Variants in AGMO observed in about 807,000 individuals in gnomAD.
The protein encoded by AGMO is alkylglycerol monooxygenase.
In AGMO, 75 loss-of-function variants were observed where a neutral mutation model predicts 60.2. That is an observed-to-expected ratio of 1.25 (90% CI 1.03 to 1.51). The LOEUF (loss-of-function observed/expected upper bound fraction) is 1.51. Ranked by LOEUF, AGMO falls within the 40% of genes most tolerant of loss-of-function variation. AGMO has a pLI of 0.00. For synonymous variants in AGMO, 261 were observed against 177.1 expected (o/e 1.47, Z -3.76); for missense variants, 763 against 525.5 (o/e 1.45, Z -4.42).
chr7:15,212,786 G>A (rs1467211693), intron 12 of AGMO, among the ~76,000 whole-genome samples: 1 of 151,874 alleles, frequency 6.6e-6, no homozygotes, highest in African/African-American at 2.4e-5. Context: ...CCTTAGGCAA[G>A]TTATTTAATC....
intron 10 of AGMO, among the ~76,000 whole-genome samples, chr7:15,382,433 C>T (rs1055645059): frequency 6.6e-6 from 1 of 152,056 alleles, no homozygotes; most frequent in African/African-American, 2.4e-5. Flanking sequence ...AATTCATGAC[C>T]TGATGTTAGT....
chr7:15,232,823 AC>A (rs1489553684), intron 12 of AGMO, among the ~76,000 whole-genome samples: 2 of 151,760 alleles, frequency 1.3e-5, no homozygotes, highest in African/African-American at 2.4e-5. Flanking sequence ...ACACACACAC[AC>A]ACAAAAACTA....
At chr7:15,535,360 A>G (rs886414148) in intron 3 of AGMO, among the ~76,000 whole-genome samples, 4 of 151,986 alleles carry the variant, frequency 2.6e-5, no homozygotes, top group African/African-American at 7.2e-5. Context: ...CCTTTGGAAT[A>G]AAAGAATCGG....
intron 5 of AGMO, among the ~76,000 whole-genome samples, chr7:15,399,177 C>G (rs182573285): frequency 6.6e-6 from 1 of 152,040 alleles, no homozygotes; most frequent in African/African-American, 2.4e-5. Flanking sequence ...CTCGGTCTTA[C>G]AACTTGAGAA....
intron 3 of AGMO, among the ~76,000 whole-genome samples, chr7:15,509,812 G>T (rs912203081): frequency 6.6e-6 from 1 of 152,036 alleles, no homozygotes; most frequent in African/African-American, 2.4e-5. Context: ...ATGTGACAAG[G>T]TGCTCAACAT....
At chr7:15,437,509 G>A (rs538695193) in intron 3 of AGMO, among the ~76,000 whole-genome samples, 1 of 150,362 alleles carries the variant, frequency 6.7e-6, no homozygotes, top group South Asian at 2.1e-4. Flanking sequence ...CCAGGCTTCT[G>A]AAGGAGCAAC....
chr7:15,529,678 CTATATATAGAA>C (rs1562555086), intron 3 of AGMO, among the ~76,000 whole-genome samples: 1 of 9,506 alleles, frequency 1.1e-4, no homozygotes, highest in Admixed American at 1.8e-3. Flanking sequence ...TATATATATT[CTATATATAGAA>C]TATATATTCC....
the AGMO span, among the ~76,000 whole-genome samples, chr7:15,139,403 T>A: frequency 6.6e-6 from 1 of 152,166 alleles, no homozygotes; most frequent in African/African-American, 2.4e-5. Context: ...ATGTGCAGGT[T>A]CGTTATACAG....
At chr7:15,403,166 C>T (rs1178535386) in intron 5 of AGMO, among the ~76,000 whole-genome samples, 1 of 151,894 alleles carries the variant, frequency 6.6e-6, no homozygotes, top group Admixed American at 6.6e-5. Context: ...ATAATTGGCA[C>T]AAGCATTGTC....
chr7:15,487,826 T>C (rs904001949), intron 3 of AGMO, among the ~76,000 whole-genome samples: 10 of 152,148 alleles, frequency 6.6e-5, no homozygotes, highest in Non-Finnish European at 1.2e-4. Flanking sequence ...TTGGAAACAT[T>C]TTATAAGTTT....
chr7:15,494,838 C>T (rs890666677), intron 3 of AGMO, among the ~76,000 whole-genome samples: 2 of 152,184 alleles, frequency 1.3e-5, no homozygotes, highest in Non-Finnish European at 2.9e-5. Flanking sequence ...CAGGCAAAGC[C>T]GCTTCTCTCT....
intron 3 of AGMO, among the ~76,000 whole-genome samples, chr7:15,466,059 A>G (rs1782276742): frequency 6.6e-6 from 1 of 152,100 alleles, no homozygotes; most frequent in Non-Finnish European, 1.5e-5. Context: ...AGGGACCAAA[A>G]TCTTGGTCCT....
intron 12 of AGMO, among the ~76,000 whole-genome samples, chr7:15,218,321 GTGTGTA>G (rs1362763269): frequency 3.5e-5 from 4 of 113,314 alleles, no homozygotes; most frequent in Non-Finnish European, 5.5e-5. Flanking sequence ...TGACTATGGT[GTGTGTA>G]TGTGTGTGTG....
chr7:15,354,345 C>CGTGTATATACACGCGTGTATATAGACGT (rs1563104903), intron 12 of AGMO, among the ~76,000 whole-genome samples: 1 of 44,254 alleles, frequency 2.3e-5, no homozygotes, highest in African/African-American at 1.0e-4. Context: ...TATATACACG[C>CGTGTATATACACGCGTGTATATAGACGT]GTGTATATAG....
intron 3 of AGMO, among the ~76,000 whole-genome samples, chr7:15,505,006 G>A (rs1783473508): frequency 1.3e-5 from 2 of 151,416 alleles, no homozygotes; most frequent in African/African-American, 2.4e-5. Context: ...TAGAATTCTT[G>A]TGTGCTCCAG....
chr7:15,316,803 A>C (rs1780940025), intron 12 of AGMO, among the ~76,000 whole-genome samples: 1 of 152,200 alleles, frequency 6.6e-6, no homozygotes, highest in Non-Finnish European at 1.5e-5. Context: ...TAAATAATCC[A>C]ACTTTATAGA....
At chr7:15,393,266 G>A (rs1207139288) in intron 6 of AGMO, among the ~76,000 whole-genome samples, 1 of 152,258 alleles carries the variant, frequency 6.6e-6, no homozygotes, top group East Asian at 1.9e-4. Context: ...GGAAAGGCAG[G>A]GCTTCAGGGA....
intron 3 of AGMO, among the ~76,000 whole-genome samples, chr7:15,441,131 A>C (rs542923478): frequency 2.0e-5 from 3 of 152,326 alleles, no homozygotes; most frequent in African/African-American, 7.2e-5. Context: ...AGTAGTATGA[A>C]TATTGGAATT....
In AGMO at chr7:15,271,266, T is replaced by C. The variant is rs527239887; in HGVS notation, c.1264-69907A>G. Among the ~76,000 whole-genome samples the C allele has an allele frequency of 3.3e-5, 5 of 152,284 alleles. No homozygotes were observed. The East Asian group carries it at 9.6e-4, about 29-fold the overall frequency. On this transcript the variant is annotated intron_variant, in intron 12 of 12. Coordinates refer to ENST00000342526, the MANE Select transcript of AGMO (RefSeq NM_001004320.2). ...CTGTAGATGGCTATGGGCAGTATGG[T>C]CATTTTAACGATATTGATTCTTCCA...
Sources: gnomAD v4.1 joint callset for allele counts (sites outside exome capture counted in the v4.1 genomes callset) on GRCh38, gnomAD v4.1.1 for gene constraint, MANE v1.5 for transcripts, NCBI Gene and HGNC (gene_info 2026-07-23, HGNC 2026-07-21) for gene names.